The following KLHL3 variants were observed in gnomAD, a reference collection of about 807,000 sequenced individuals.
KLHL3 encodes kelch like family member 3.
KLHL3 carries 19 observed loss-of-function variants against 70.5 expected under a neutral mutation model. The ratio of observed to expected loss-of-function variants is 0.27; its 90% CI spans 0.19 to 0.40. The LOEUF is 0.40. KLHL3 is among the 10% of genes least tolerant of loss of function. KLHL3 has a pLI of 1.00. For missense variants in KLHL3, 512 were observed against 771.1 expected (o/e 0.66, Z 3.98); for synonymous variants, 258 against 290.3 (o/e 0.89, Z 1.13).
At chr5:137,666,602 C>T (rs747958170) in intron 6 of KLHL3, among the ~76,000 whole-genome samples, 4 of 152,148 alleles carry the variant, frequency 2.6e-5, no homozygotes, top group Non-Finnish European at 4.4e-5. Flanking sequence ...CTACCAAAGT[C>T]GATATTTAAC....
intron 8 of KLHL3, among the ~76,000 whole-genome samples, chr5:137,653,593 A>G (rs1489194543): frequency 6.6e-6 from 1 of 152,258 alleles, no homozygotes; most frequent in Admixed American, 6.5e-5. Flanking sequence ...ATTTTTAAAA[A>G]TAGATAATGT....
intron 5 of KLHL3, among the ~76,000 whole-genome samples, chr5:137,678,947 T>C (rs1266244013): frequency 6.6e-6 from 1 of 151,972 alleles, no homozygotes; most frequent in African/African-American, 2.4e-5. Context: ...GTCAGTTTTT[T>C]TACGAAGGAA....
chr5:137,709,427 A>AAG (rs1237197874), intron 3 of KLHL3, among the ~76,000 whole-genome samples: 2 of 152,198 alleles, frequency 1.3e-5, no homozygotes, highest in Admixed American at 1.3e-4. Context: ...GAGAGATCAG[A>AAG]AGACCTGGCC....
intron 8 of KLHL3, among the ~76,000 whole-genome samples, chr5:137,644,904 A>G (rs1351044594): frequency 6.6e-6 from 1 of 152,240 alleles, no homozygotes; most frequent in Non-Finnish European, 1.5e-5. Flanking sequence ...CACAGATACA[A>G]AAATCCATAA....
intron 2 of KLHL3, among the ~76,000 whole-genome samples, chr5:137,710,808 CT>C (rs1752778567): frequency 1.3e-5 from 2 of 152,192 alleles, no homozygotes; most frequent in African/African-American, 4.8e-5. Context: ...TTCATCCTCT[CT>C]ACCACCCCAT....
chr5:137,654,622 C>A (rs2905579), intron 8 of KLHL3, among the ~76,000 whole-genome samples: 1 of 152,088 alleles, frequency 6.6e-6, no homozygotes, highest in African/African-American at 2.4e-5. Context: ...TTAAGAAGCA[C>A]GTTAGACAAC....
chr5:137,722,938 C>T (rs1443907720), intron 1 of KLHL3, among the ~76,000 whole-genome samples: 6 of 152,090 alleles, frequency 3.9e-5, no homozygotes, highest in Non-Finnish European at 5.9e-5. Context: ...CAAAGTGCTG[C>T]GATTACTGGC....
chr5:137,642,023 C>G (rs1315394553), intron 8 of KLHL3, among the ~76,000 whole-genome samples: 1 of 152,208 alleles, frequency 6.6e-6, no homozygotes, highest in Non-Finnish European at 1.5e-5. Context: ...CATCCATGAA[C>G]AGTTCAAGGG....
At position 137,652,193 on chromosome 5, in the gene KLHL3, A is replaced by C. The variant is rs186003438; in HGVS notation, c.903+5938T>G. On this transcript the variant is annotated intron_variant, in intron 8 of 14. Transcript: ENST00000309755. ...ACAAAATAAACCATAACAGAAAAAAATTGAAAAATTAAAAACTTATGCACT... is the reference window on the plus strand; with the variant it reads ...ACAAAATAAACCATAACAGAAAAAACTTGAAAAATTAAAAACTTATGCACT... 3.2e-3 allele frequency among the ~76,000 whole-genome samples: 488 copies of C among 152,304 alleles called. 3 individuals are homozygous for C. Among genetic ancestry groups the C allele is most frequent in the African/African-American group, 0.011 (456 of 41,564 alleles).
chr5:137,685,057 G>C (rs900112623), intron 5 of KLHL3, among the ~76,000 whole-genome samples: 1 of 152,212 alleles, frequency 6.6e-6, no homozygotes, highest in Non-Finnish European at 1.5e-5. Flanking sequence ...TTGTGCTCTC[G>C]CTGGAAAAGC....
intron 1 of KLHL3, among the ~76,000 whole-genome samples, chr5:137,728,530 A>G (rs865886129): frequency 4.6e-5 from 7 of 152,164 alleles, no homozygotes; most frequent in African/African-American, 7.2e-5. Flanking sequence ...TTGATGACAC[A>G]GAATCAGGAG....
At chr5:137,627,478 C>T (rs1476863306) in intron 13 of KLHL3, among the ~76,000 whole-genome samples, 1 of 82,944 alleles carries the variant, frequency 1.2e-5, no homozygotes, top group South Asian at 5.8e-4. Context: ...AATATCACCA[C>T]CCCCCCCCCC....
chr5:137,649,336 T>C (rs888641333), intron 8 of KLHL3, among the ~76,000 whole-genome samples: 3 of 152,238 alleles, frequency 2.0e-5, no homozygotes, highest in Non-Finnish European at 4.4e-5. Context: ...GTTAGATGTG[T>C]GCTCTCATTT....
intron 5 of KLHL3, among the ~76,000 whole-genome samples, chr5:137,683,801 C>CGT (rs1491283003): frequency 1.3e-5 from 2 of 151,692 alleles, no homozygotes; most frequent in East Asian, 3.9e-4. Context: ...CACACATGCA[C>CGT]GCGCACACAC....
intron 4 of KLHL3, among the ~76,000 whole-genome samples, chr5:137,698,080 G>A (rs1406976281): frequency 1.3e-5 from 2 of 152,218 alleles, no homozygotes; most frequent in Non-Finnish European, 2.9e-5. Context: ...AAAAGCATGG[G>A]TGCCCAAGCC....
At chr5:137,717,973 C>T (rs1368057221) in intron 2 of KLHL3, among the ~76,000 whole-genome samples, 1 of 152,228 alleles carries the variant, frequency 6.6e-6, no homozygotes, top group Non-Finnish European at 1.5e-5. Flanking sequence ...GGTCTATATG[C>T]AACAACCACC....
rs1403287983 is a variant in KLHL3, at chr5:137,735,917, C to T, written c.-271G>A. ...TGCTAAAAGCAGCAACCCACTTGCT[C>T]CCCCTCCCCCGCAGGCTTGCTGCTC... On this transcript the variant is annotated 5_prime_UTR_variant, in exon 1 of 15. Transcript: ENST00000309755. 2 of 523,040 alleles carry T rather than the reference C, an allele frequency of 3.8e-6. No homozygotes were observed. Among genetic ancestry groups the T allele is most frequent in the Non-Finnish European group, 3.5e-6 (1 of 285,948 alleles). The allele number at this position is 523,040 out of a possible 1,614,324, so 32.4% of individuals were successfully genotyped here. A position where few individuals can be genotyped will look rare whatever the true frequency, so the allele number is the denominator to read the frequency against.
chr5:137,690,338 A>T (rs1752288398), intron 5 of KLHL3, among the ~76,000 whole-genome samples: 1 of 152,048 alleles, frequency 6.6e-6, no homozygotes, highest in African/African-American at 2.4e-5. Context: ...AAAAAAAAAA[A>T]AAAAATCTGC....
Position 137,620,050 on chromosome 5 carries a change from AT to A in KLHL3, c.*2047del, listed in dbSNP as rs1231015298. On this transcript the variant is annotated 3_prime_UTR_variant, in exon 15 of 15. Coordinates refer to ENST00000309755, the MANE Select transcript of KLHL3 (RefSeq NM_017415.3). Reference sequence around the variant, plus strand: ...ATTTCCTCAGAGAAGGAGAAAGGACATTTCTCATTCCATCAGCTTCCAACCC... The same window carrying A: ...ATTTCCTCAGAGAAGGAGAAAGGACATTCTCATTCCATCAGCTTCCAACCC... 2 of 152,280 alleles carry A rather than the reference AT, an allele frequency of 1.3e-5. No homozygotes were observed. The highest frequency in any genetic ancestry group is 2.9e-5 in the Non-Finnish European group (2 of 68,082). The allele number at this position is 152,280 out of a possible 1,614,324, so 9.4% of individuals were successfully genotyped here.
Sources: allele counts gnomAD v4.1 joint callset (sites outside exome capture counted in the v4.1 genomes callset), GRCh38; gene constraint gnomAD v4.1.1; transcripts MANE v1.5; gene names NCBI Gene and HGNC (gene_info 2026-07-23, HGNC 2026-07-21).